MST1R: variants seen among roughly 807,000 people sequenced by gnomAD.
The protein encoded by MST1R is macrophage-stimulating protein receptor.
In MST1R, 99 loss-of-function variants were observed where a neutral mutation model predicts 117.8. The observed-to-expected ratio is 0.84, with a 90% confidence interval of 0.71 to 0.99. The LOEUF (loss-of-function observed/expected upper bound fraction) is 0.99, where lower values mean the gene tolerates loss of function less well. Among genes scored for constraint, MST1R ranks in the 50% least tolerant of loss-of-function variants. The pLI is 0.00. For missense variants in MST1R, 1,683 were observed against 1,840.2 expected, an observed-to-expected ratio of 0.91 and a Z score of 1.56; for synonymous variants, 734 against 765.3, an observed-to-expected ratio of 0.96 and a Z score of 0.68.
rs980859408 is a variant in MST1R at position 49,898,622 on chromosome 3, C to A, written c.1615G>T (p.Ala539Ser). 24 of 1,614,200 alleles carry A rather than the reference C, an allele frequency of 1.5e-5. No individual in the cohort carries two copies. The highest frequency in any genetic ancestry group is 2.2e-5 in the East Asian group (1 of 44,882). The change falls in exon 4 of 20, where the codon GCA becomes TCA. Residue 539 changes from alanine (A) to serine (S), a missense_variant. Transcript: ENST00000296474. The part of the protein sequence containing the change: ...HFLTCGRCLR[A>S]WHFMGCGWCG... Reference sequence around the variant, plus strand: ...CAGCCACAGCCCATGAAATGCCATGCCCTTAGGCAACGCCCACAGGTCAGG... The same window carrying A: ...CAGCCACAGCCCATGAAATGCCATGACCTTAGGCAACGCCCACAGGTCAGG...
rs767387553 is a variant in MST1R at position 49,902,958 on chromosome 3, T to C, written c.652A>G (p.Ile218Val). The C allele has an allele frequency of 3.1e-6, 5 of 1,613,182 alleles. No individual in the cohort carries two copies. The African/African-American group carries it at 5.3e-5, about 17-fold the overall frequency. The change falls in exon 1 of 20, where the codon ATC (isoleucine) becomes GTC (valine). Residue 218 changes from isoleucine (I) to valine (V), a missense_variant. Ile to Val is a conservative substitution (Grantham distance 29). Transcript: ENST00000296474. ...GAGGCGTCAGCCTTGAGACGCCTGA[T>C]AGACACTGAGCGTGGGCTGAAGCTG... ...AASFSPRSVS[I>V]RRLKADASGF...
rs1014970491 is a variant in MST1R at position 49,887,094 on chromosome 3, C to G, written c.*213G>C. ...GTCCACTGTGCCCAGAAGACAGGGTCCACAGCAGGCACTCCATAAATACAT... is the reference window on the plus strand; with the variant it reads ...GTCCACTGTGCCCAGAAGACAGGGTGCACAGCAGGCACTCCATAAATACAT... On this transcript the variant is annotated 3_prime_UTR_variant, in exon 20 of 20. Transcript: ENST00000296474. 19 of 636,876 alleles carry G rather than the reference C, an allele frequency of 3.0e-5. No homozygotes were observed. The South Asian group carries it at 3.1e-4, about 10-fold the overall frequency. 39.5% of individuals were successfully genotyped at this position (636,876 alleles called of 1,614,324 possible). A position where few individuals can be genotyped will look rare whatever the true frequency, so the allele number is the denominator to read the frequency against.
chr3:49,897,553 G>C lies in MST1R; in HGVS notation c.2013C>G (p.Asp671Glu), dbSNP rs374088039. Reference protein sequence around the residue: ...NMPPGKHFRVDGTSVLRGFSF... With the variant: ...NMPPGKHFRVEGTSVLRGFSF... ...AGAAGCCTCTCAGCACGGAGGTGCC[G>C]TCTACCCGGAAGTGCTTGCCCGGTG... The change falls in exon 6 of 20, where the codon GAC becomes GAG. Residue 671 changes from aspartate to glutamate, a missense_variant. Coordinates refer to ENST00000296474, the MANE Select transcript of MST1R (RefSeq NM_002447.4). 1 of 1,613,916 alleles carries C rather than the reference G, an allele frequency of 6.2e-7. No individual in the cohort carries two copies. Among genetic ancestry groups the C allele is most frequent in the Non-Finnish European group, 8.5e-7 (1 of 1,179,988 alleles).
intron 1 of MST1R, among the ~76,000 whole-genome samples, chr3:49,900,860 G>A (rs2082653296): frequency 6.6e-6 from 1 of 152,224 alleles, no homozygotes; most frequent in Non-Finnish European, 1.5e-5. Flanking sequence ...TCCCATGGAG[G>A]ACAGGCACCA....
Position 49,896,238 on chromosome 3 carries a change from T to A in MST1R, c.2606A>T (p.Asn869Ile). The change falls in exon 10 of 20, where the codon AAC becomes ATC. Residue 869 changes from asparagine (N) to isoleucine (I), a missense_variant. By Grantham distance (149) the Asn-to-Ile change is moderately radical. Coordinates refer to ENST00000296474, the MANE Select transcript of MST1R (RefSeq NM_002447.4). ...CTCCTCAGGCTTCAGTGGAACTAGG[T>A]TGGCACTGGGTGGATGGGGTGGGGG... is the stretch of plus-strand genomic sequence containing the variant. ...FLPPPHPPSA[N>I]LVPLKPEEHA... 1 of 1,614,112 alleles carries A rather than the reference T, an allele frequency of 6.2e-7. No individual in the cohort carries two copies. Among genetic ancestry groups the A allele is most frequent in the Non-Finnish European group, 8.5e-7 (1 of 1,180,022 alleles).
At chr3:49,890,090 A>C (rs746723961) in intron 18 of MST1R, 30 bp from the exon 19 acceptor site, 1 of 1,554,670 alleles carries the variant, frequency 6.4e-7, no homozygotes, top group South Asian at 1.2e-5. Flanking sequence ...AGGGGACTCA[A>C]CTCACCCCAA....
At chr3:49,902,278 C>A in intron 1 of MST1R, 102 bp downstream of exon 1, 1 of 1,462,948 alleles carries the variant, frequency 6.8e-7, no homozygotes, top group South Asian at 1.3e-5. Flanking sequence ...TCCGCCTGCC[C>A]CCCCACCGCG....
In MST1R at chr3:49,897,315, A is replaced by C; in HGVS notation, c.2148T>G (p.Ala716=). The C allele has an allele frequency of 6.2e-7, 1 of 1,613,454 alleles. No homozygotes were observed. Among genetic ancestry groups the C allele is most frequent in the Non-Finnish European group, 8.5e-7 (1 of 1,179,714 alleles). Residue 716 remains alanine (A), a synonymous_variant, in exon 7 of 20, where the codon GCT becomes GCG. Transcript: ENST00000296474. ...GACACTCAGTCCCATTGACCAGCAC[A>C]GCCCGGCTGGTGCCTACAGACAGAC... ...GQSLSVGTSR[A]VLVNGTECLL...
chr3:49,891,864 A>G (rs1353230889), intron 14 of MST1R, 26 bp from the exon 15 acceptor site: 2 of 1,606,814 alleles, frequency 1.2e-6, no homozygotes, highest in Admixed American at 3.3e-5. Context: ...TAATGAGTCG[A>G]TGAGAGGGGA....
At chr3:49,894,590 A>G (rs1342951722) in intron 14 of MST1R, among the ~76,000 whole-genome samples, 4 of 152,116 alleles carry the variant, frequency 2.6e-5, no homozygotes. Context: ...AAAACCATAA[A>G]TAAAACCAAA....
chr3:49,890,962 A>C (rs956454471), intron 17 of MST1R, among the ~76,000 whole-genome samples: 1 of 152,110 alleles, frequency 6.6e-6, no homozygotes. Flanking sequence ...TCCTGACCTC[A>C]TGATCCGCCT....
intron 19 of MST1R, among the ~76,000 whole-genome samples, chr3:49,888,954 C>T (rs1343444796): frequency 6.6e-6 from 1 of 152,220 alleles, no homozygotes; most frequent in African/African-American, 2.4e-5. Flanking sequence ...GACTGAGGCT[C>T]TCTCTAGGAA....
At chr3:49,893,521 T>C (rs1221845917) in intron 14 of MST1R, among the ~76,000 whole-genome samples, 2 of 145,354 alleles carry the variant, frequency 1.4e-5, no homozygotes, top group African/African-American at 5.1e-5. Context: ...GGAGAATTGC[T>C]TGAACCTGGG....
rs35887539 is a variant in MST1R, at chr3:49,903,387, G to T, written c.223C>A (p.Arg75Ser). ...RNESAVFVAI[R>S]NRLHVLGPDL... ...GGCCCAAGCACATGCAGGCGATTGCGTATGGCTACAAACACAGCACTCTCA... is the reference window on the plus strand; with the variant it reads ...GGCCCAAGCACATGCAGGCGATTGCTTATGGCTACAAACACAGCACTCTCA... Residue 75 changes from arginine (R) to serine (S), a missense_variant, in exon 1 of 20, where the codon CGC (arginine) becomes AGC (serine). Arg to Ser is a moderately radical substitution (Grantham distance 110). Coordinates refer to ENST00000296474, the MANE Select transcript of MST1R (RefSeq NM_002447.4). 7.9e-4 allele frequency: 1,283 copies of T among 1,614,016 alleles called. 6 individuals are homozygous for T. The highest frequency in any genetic ancestry group is 3.3e-3 in the Middle Eastern group (20 of 6,062).
chr3:49,897,687 T>A lies in MST1R; in HGVS notation c.1881-2A>T. On this transcript the variant is annotated splice_acceptor_variant, in intron 5 of 19. Transcript: ENST00000296474. LOFTEE classifies it high-confidence loss of function. ...ACAAAGTCTTTCCGGGGCACTGGTC[T>A]GGGGCACCAGGGGAACCCCTGAGGT... The A allele has an allele frequency of 6.2e-7, 1 of 1,609,298 alleles. No individual in the cohort carries two copies. Among genetic ancestry groups the A allele is most frequent in the East Asian group, 2.2e-5 (1 of 44,854 alleles).
rs764055168 is a variant in MST1R at position 49,897,518 on chromosome 3, A to C, written c.2046+2T>G. 1 of 1,613,192 alleles carries C rather than the reference A, an allele frequency of 6.2e-7. No individual in the cohort carries two copies. Among genetic ancestry groups the C allele is most frequent in the Non-Finnish European group, 8.5e-7 (1 of 1,179,502 alleles). ...GGCACAGACAGGGCAAGGTAGCCTC[A>C]CCATGAAAGAGAAGCCTCTCAGCAC... On this transcript the variant is annotated splice_donor_variant, in intron 6 of 19. Transcript: ENST00000296474. LOFTEE classifies it high-confidence loss of function.
rs767119482 is a variant in MST1R at position 49,895,334 on chromosome 3, A to T, written c.3104T>A (p.Val1035Asp). 1 of 1,614,224 alleles carries T rather than the reference A, an allele frequency of 6.2e-7. No homozygotes were observed. The highest frequency in any genetic ancestry group is 1.3e-5 in the African/African-American group (1 of 75,054). Residue 1035 changes from valine (V) to aspartate (D), a missense_variant, in exon 14 of 20, where the codon GTC becomes GAC. By Grantham distance (152) the Val-to-Asp change is radical. Transcript: ENST00000296474. ...ACTATCGGAGAAGGATGCTCCATGG[A>T]CACAAGTGGTGGAATCCAGACCATC... Reference protein sequence around the residue: ...AIDGLDSTTCVHGASFSDSED... With the variant: ...AIDGLDSTTCDHGASFSDSED...
intron 19 of MST1R, among the ~76,000 whole-genome samples, chr3:49,889,152 C>T (rs1329533278): frequency 6.6e-6 from 1 of 152,238 alleles, no homozygotes; most frequent in African/African-American, 2.4e-5. Flanking sequence ...TGTGACATTT[C>T]TCCTGCCCAG....
At position 49,887,577 on chromosome 3, in the gene MST1R, G is replaced by A. The variant is rs773218085; in HGVS notation, c.3948-15C>T. 6 of 1,612,096 alleles carry A rather than the reference G, an allele frequency of 3.7e-6. No individual in the cohort carries two copies. The highest frequency in any genetic ancestry group is 5.1e-6 in the Non-Finnish European group (6 of 1,179,016). On this transcript the variant is annotated splice_polypyrimidine_tract_variant and intron_variant, in intron 19 of 19. Transcript: ENST00000296474. The stretch of plus-strand genomic sequence containing the variant: ...TCACTTGGTACCTGTTGGGGGAAAG[G>A]GATGTCAGGTTAAGGCAATTTCCAC...
Sources: allele counts gnomAD v4.1 joint callset (sites outside exome capture counted in the v4.1 genomes callset), GRCh38; gene constraint gnomAD v4.1.1; transcripts MANE v1.5; gene names NCBI Gene and HGNC (gene_info 2026-07-23, HGNC 2026-07-21).